The following WDR27 variants were observed in gnomAD, a reference collection of about 807,000 sequenced individuals.
The protein encoded by WDR27 is WD repeat-containing protein 27.
WDR27 carries 100 observed loss-of-function variants against 114.4 expected under a neutral mutation model. The ratio of observed to expected loss-of-function variants is 0.87; its 90% confidence interval spans 0.74 to 1.03. The LOEUF (loss-of-function observed/expected upper bound fraction) is 1.03. Ranked by LOEUF, WDR27 falls within the 50% of genes least tolerant of loss-of-function variation. The probability of loss-of-function intolerance (pLI) is 0.00; values close to 1 mark genes in which losing one functional copy is unlikely to be tolerated. For synonymous variants in WDR27, 449 were observed against 423.1 expected, an observed-to-expected ratio of 1.06 and a Z score of -0.75; for missense variants, 1,129 against 1,092.9, an observed-to-expected ratio of 1.03 and a Z score of -0.47.
chr6:169,519,073 C>T (rs921561571), intron 25 of WDR27, among the ~76,000 whole-genome samples: 2 of 152,222 alleles, frequency 1.3e-5, no homozygotes, highest in African/African-American at 4.8e-5. Flanking sequence ...CCATAAGTTC[C>T]TCATTTCCAT....
intron 22 of WDR27, among the ~76,000 whole-genome samples, chr6:169,603,053 G>C (rs930846451): frequency 2.0e-5 from 3 of 152,060 alleles, no homozygotes; most frequent in African/African-American, 7.2e-5. Flanking sequence ...TGTTGGCCAA[G>C]CTGGTCTCGA....
chr6:169,667,167 T>C lies in WDR27; in HGVS notation c.681A>G (p.Gly227=), dbSNP rs756406926. Residue 227 remains glycine (G), a synonymous_variant, in exon 6 of 26, where the codon GGA becomes GGG. Transcript: ENST00000448612. ...RGFKVWDHCT[G]SLIYSSSVLS... ...ACACAGATGAACTGTATATTAATGA[T>C]CCTGTACAATGGTCCCAGACCTTTG... 1.7e-5 allele frequency: 26 copies of C among 1,531,796 alleles called. No homozygotes were observed. Among genetic ancestry groups the C allele is most frequent in the Admixed American group, 4.4e-5 (2 of 45,550 alleles). The allele number at this position is 1,531,796 out of a possible 1,614,324, so 94.9% of individuals were successfully genotyped here.
At chr6:169,643,589 T>A in intron 17 of WDR27, 108 bp downstream of exon 17, 1 of 845,554 alleles carries the variant, frequency 1.2e-6, no homozygotes, top group South Asian at 1.9e-5. Context: ...TGGCTTTGGT[T>A]TGCTGATGTC....
At position 169,659,708 on chromosome 6, in the gene WDR27, G is replaced by A. The variant is rs936580870; in HGVS notation, c.1130-190C>T. Among the ~76,000 whole-genome samples the A allele has an allele frequency of 2.6e-5, 4 of 151,806 alleles. No homozygotes were observed. The highest frequency in any genetic ancestry group is 2.9e-5 in the Non-Finnish European group (2 of 67,966). On this transcript the variant is annotated intron_variant, in intron 10 of 25. Transcript: ENST00000448612. The surrounding 1 kb of genome is among the most constrained non-coding windows in gnomAD (Gnocchi z 4.3). ...GGCCCCAGGCCACACACACACCAGC[G>A]CACACACCACACACACACCAGGCCC...
intron 22 of WDR27, among the ~76,000 whole-genome samples, chr6:169,611,877 G>A (rs1025591000): frequency 6.6e-6 from 1 of 152,132 alleles, no homozygotes; most frequent in African/African-American, 2.4e-5. Flanking sequence ...GCTCACACCT[G>A]TAATCCCAGC....
At chr6:169,468,191 A>C (rs1785859949) in intron 25 of WDR27, among the ~76,000 whole-genome samples, 2 of 152,228 alleles carry the variant, frequency 1.3e-5, no homozygotes, top group Admixed American at 1.3e-4. Context: ...CATTGTCCAT[A>C]TCACTATCAG....
intron 25 of WDR27, among the ~76,000 whole-genome samples, chr6:169,516,788 AACACACACACACACACAC>A (rs3032851): frequency 5.0e-5 from 6 of 119,262 alleles, no homozygotes; most frequent in Admixed American, 8.9e-5. Flanking sequence ...GGCATGCTCC[AACACACACACACACACAC>A]ACACACACAC....
intron 8 of WDR27, chr6:169,663,658 C>A: frequency 6.4e-6 from 1 of 157,120 alleles, no homozygotes; most frequent in Admixed American, 6.2e-5. Context: ...ATCTGCAATG[C>A]GCAGGAGACC....
intron 25 of WDR27, among the ~76,000 whole-genome samples, chr6:169,524,900 A>G (rs1794777469): frequency 6.6e-6 from 1 of 152,216 alleles, no homozygotes; most frequent in Non-Finnish European, 1.5e-5. Context: ...AAATCGCAAA[A>G]GCACAGGCAA....
intron 1 of WDR27, among the ~76,000 whole-genome samples, chr6:169,694,480 C>A (rs1219648815): frequency 6.6e-6 from 1 of 152,164 alleles, no homozygotes; most frequent in Non-Finnish European, 1.5e-5. Context: ...AAATGTATTT[C>A]TTCAAGGCTG....
chr6:169,546,891 T>C (rs1797517794), intron 25 of WDR27, among the ~76,000 whole-genome samples: 1 of 152,130 alleles, frequency 6.6e-6, no homozygotes, highest in Non-Finnish European at 1.5e-5. Context: ...AGTTTTTACT[T>C]ACAATCGAGC....
chr6:169,643,809 A>C, intron 16 of WDR27, 23 bp from the exon 17 acceptor site: 8 of 1,594,098 alleles, frequency 5.0e-6, no homozygotes, highest in Non-Finnish European at 6.9e-6. Flanking sequence ...TTTTAAAAAA[A>C]GACTTCTTAG....
chr6:169,470,144 T>C (rs1430095100), intron 25 of WDR27, among the ~76,000 whole-genome samples: 2 of 152,216 alleles, frequency 1.3e-5, no homozygotes, highest in Non-Finnish European at 2.9e-5. Context: ...TGATCTTTCC[T>C]CCAATTTTCA....
the WDR27 span, among the ~76,000 whole-genome samples, chr6:169,435,169 T>C: frequency 6.6e-6 from 1 of 152,214 alleles, no homozygotes; most frequent in African/African-American, 2.4e-5. Flanking sequence ...AAGTCAAGAA[T>C]TGAGGTTTGG....
In WDR27 at chr6:169,489,875, G is replaced by C. The variant is rs1789512368; in HGVS notation, c.2646-32241C>G. ...GTTTAAAGTTCCTGAGTCCCAACATGTGGAAGTGCTTTGTGGTAGTCTTTC... is the reference window on the plus strand; with the variant it reads ...GTTTAAAGTTCCTGAGTCCCAACATCTGGAAGTGCTTTGTGGTAGTCTTTC... On this transcript the variant is annotated intron_variant, in intron 25 of 25. Coordinates refer to ENST00000448612, the MANE Select transcript of WDR27 (RefSeq NM_182552.5). 2.0e-5 allele frequency among the ~76,000 whole-genome samples: 3 copies of C among 152,208 alleles called. No individual in the cohort carries two copies. In the South Asian group the frequency reaches 6.2e-4, roughly 32 times the overall value.
chr6:169,626,162 G>C (rs920658395), intron 21 of WDR27, among the ~76,000 whole-genome samples: 1 of 152,190 alleles, frequency 6.6e-6, no homozygotes, highest in Non-Finnish European at 1.5e-5. Context: ...GGTGATGATA[G>C]GCGGAGACAA....
intron 25 of WDR27, among the ~76,000 whole-genome samples, chr6:169,508,479 T>A (rs1449939475): frequency 1.3e-5 from 2 of 152,232 alleles, no homozygotes; most frequent in African/African-American, 4.8e-5. Flanking sequence ...TTCTTTTTTT[T>A]TCACTCAATG....
At chr6:169,449,778 C>T in the WDR27 span, among the ~76,000 whole-genome samples, 3 of 152,152 alleles carry the variant, frequency 2.0e-5, no homozygotes, top group Non-Finnish European at 4.4e-5. Flanking sequence ...AAGGCATTTC[C>T]GAATGCAGGG....
rs567844802 is a variant in WDR27, at chr6:169,495,534, C to T, written c.2646-37900G>A. Among the ~76,000 whole-genome samples the T allele has an allele frequency of 2.2e-3, 334 of 150,396 alleles. 4 individuals are homozygous for T. The highest frequency in any genetic ancestry group is 7.8e-3 in the African/African-American group (319 of 41,138). Reference sequence around the variant, plus strand: ...ATTCTTTGAAAAGATAAAAAAAAACCTGACAAAGCTTTAGCCAGGTGGATT... The same window carrying T: ...ATTCTTTGAAAAGATAAAAAAAAACTTGACAAAGCTTTAGCCAGGTGGATT... On this transcript the variant is annotated intron_variant, in intron 25 of 25. Coordinates refer to ENST00000448612, the MANE Select transcript of WDR27 (RefSeq NM_182552.5).
Sources: allele counts gnomAD v4.1 joint callset (sites outside exome capture counted in the v4.1 genomes callset), GRCh38; gene constraint gnomAD v4.1.1; non-coding constraint Gnocchi (gnomAD v3.1); transcripts MANE v1.5; gene names NCBI Gene and HGNC (gene_info 2026-07-23, HGNC 2026-07-21).